IL1RAPL2: variants seen among roughly 807,000 people sequenced by gnomAD.
The protein encoded by IL1RAPL2 is interleukin 1 receptor accessory protein like 2.
IL1RAPL2 carries 3 observed loss-of-function variants against 44.1 expected under a neutral mutation model. The ratio of observed to expected loss-of-function variants is 0.07; its 90% CI spans 0.03 to 0.18. The LOEUF is 0.18. Ranked by LOEUF, IL1RAPL2 falls within the 10% of genes least tolerant of loss-of-function variation. IL1RAPL2 has a pLI of 1.00. For synonymous variants in IL1RAPL2, 181 were observed against 178.8 expected (o/e 1.01, Z -0.10); for missense variants, 391 against 496.4 (o/e 0.79, Z 2.02).
At chrX:105,178,991 T>A (rs2033502894) in intron 2 of IL1RAPL2, among the ~76,000 whole-genome samples, 2 of 112,116 alleles carry the variant, frequency 1.8e-5, no homozygotes, top group Admixed American at 9.5e-5. Flanking sequence ...AGGAGTTTTT[T>A]AATTTAATCA....
rs909263430 is a variant in IL1RAPL2 at position 105,332,316 on chromosome X, A to G, written c.697+64775A>G. 1.5e-4 allele frequency among the ~76,000 whole-genome samples: 16 copies of G among 109,919 alleles called. No individual in the cohort carries two copies. The Admixed American group carries it at 1.6e-3, about 11-fold the overall frequency. ...TCTGCTATAATTCATTTGGATTGCTATGGTGATTCTGTGAACATGCATTGC... is the reference window on the plus strand; with the variant it reads ...TCTGCTATAATTCATTTGGATTGCTGTGGTGATTCTGTGAACATGCATTGC... On this transcript the variant is annotated intron_variant, in intron 5 of 10. Coordinates refer to ENST00000372582, the MANE Select transcript of IL1RAPL2 (RefSeq NM_017416.2).
chrX:104,741,686 CA>C (rs1168880536), intron 2 of IL1RAPL2, among the ~76,000 whole-genome samples: 1 of 110,516 alleles, frequency 9.0e-6, no homozygotes, highest in Non-Finnish European at 1.9e-5. Context: ...GAAGCAAAAT[CA>C]AGAAGAAGTT....
intron 2 of IL1RAPL2, among the ~76,000 whole-genome samples, chrX:105,180,545 A>G (rs920981604): frequency 3.6e-5 from 4 of 111,209 alleles, no homozygotes; most frequent in Middle Eastern, 4.2e-3. Flanking sequence ...TTTTCATCAT[A>G]AAGAGATGTT....
chrX:105,247,591 G>A (rs148694350), intron 4 of IL1RAPL2, among the ~76,000 whole-genome samples: 18,383 of 100,486 alleles, frequency 0.18, 3,466 homozygotes, highest in African/African-American at 0.59. Context: ...AAGTGTGTGT[G>A]TATATATATA....
chrX:105,550,582 C>G (rs752219437), intron 6 of IL1RAPL2, among the ~76,000 whole-genome samples: 7 of 112,032 alleles, frequency 6.2e-5, no homozygotes, highest in Non-Finnish European at 5.6e-5. Flanking sequence ...GTTGCAAACT[C>G]ACAGAGTCTT....
chrX:104,583,872 T>C (rs1279431812), intron 1 of IL1RAPL2, among the ~76,000 whole-genome samples: 1 of 111,956 alleles, frequency 8.9e-6, no homozygotes, highest in Middle Eastern at 4.2e-3. Flanking sequence ...AGGCACTTAA[T>C]GTTTCCTGAC....
At chrX:104,999,624 T>G (rs1048519395) in intron 2 of IL1RAPL2, among the ~76,000 whole-genome samples, 5 of 111,772 alleles carry the variant, frequency 4.5e-5, no homozygotes, top group African/African-American at 1.6e-4. Context: ...ATTCACTTAG[T>G]CTGGCCTGCT....
chrX:105,146,239 A>G (rs1412758234), intron 2 of IL1RAPL2, among the ~76,000 whole-genome samples: 1 of 111,493 alleles, frequency 9.0e-6, no homozygotes, highest in Non-Finnish European at 1.9e-5. Flanking sequence ...AGGATTGTCC[A>G]GGGGGTTCTA....
At chrX:104,959,603 G>A (rs146555407) in intron 2 of IL1RAPL2, among the ~76,000 whole-genome samples, 1,476 of 111,310 alleles carry the variant, frequency 0.013, 6 homozygotes, top group Non-Finnish European at 0.021. Flanking sequence ...GACTTAGTAC[G>A]TAATTATTGA....
At position 104,851,223 on chromosome X, in the gene IL1RAPL2, A is replaced by G. The variant is rs1050184676; in HGVS notation, c.82+192228A>G. On this transcript the variant is annotated intron_variant, in intron 2 of 10. Coordinates refer to ENST00000372582, the MANE Select transcript of IL1RAPL2 (RefSeq NM_017416.2). ...AAAAAGAGCCAAATCATTTACAGACACATGTAACCAAACCAAAATGACACC... is the reference window on the plus strand; with the variant it reads ...AAAAAGAGCCAAATCATTTACAGACGCATGTAACCAAACCAAAATGACACC... 3.6e-5 allele frequency among the ~76,000 whole-genome samples: 4 copies of G among 112,000 alleles called. No individual in the cohort carries two copies. In the Admixed American group the frequency reaches 3.8e-4, roughly 11 times the overall value.
At chrX:104,707,434 A>G (rs1433830186) in intron 2 of IL1RAPL2, among the ~76,000 whole-genome samples, 1 of 111,841 alleles carries the variant, frequency 8.9e-6, no homozygotes, top group East Asian at 2.8e-4. Context: ...TTATCTAAAC[A>G]AGTGTATAGA....
intron 5 of IL1RAPL2, among the ~76,000 whole-genome samples, chrX:105,369,780 A>G (rs777083146): frequency 9.0e-6 from 1 of 111,311 alleles, no homozygotes; most frequent in Admixed American, 9.6e-5. Flanking sequence ...GAGATGCTCT[A>G]TCTGTGCCAA....
intron 5 of IL1RAPL2, among the ~76,000 whole-genome samples, chrX:105,414,211 G>A (rs376680680): frequency 1.8e-5 from 2 of 110,165 alleles, no homozygotes; most frequent in African/African-American, 6.6e-5. Context: ...CACTGCAACC[G>A]CCACCTCCCG....
chrX:105,219,519 G>A lies in IL1RAPL2; in HGVS notation c.357-14299G>A, dbSNP rs782368474. 7.4e-6 allele frequency: 9 copies of A among 1,209,069 alleles called. 1 individual carries two copies. The South Asian group carries it at 1.4e-4, about 19-fold the overall frequency. On this transcript the variant is annotated intron_variant, in intron 3 of 10. Coordinates refer to ENST00000372582, the MANE Select transcript of IL1RAPL2 (RefSeq NM_017416.2). ...AGGCAGCCCTGGCCTCCACGTGGGGGAACTGGGTCTCCATGGGGGCAGCCC... is the reference window on the plus strand; with the variant it reads ...AGGCAGCCCTGGCCTCCACGTGGGGAAACTGGGTCTCCATGGGGGCAGCCC...
intron 1 of IL1RAPL2, among the ~76,000 whole-genome samples, chrX:104,632,545 A>C (rs1031475218): frequency 2.8e-5 from 3 of 108,946 alleles, no homozygotes; most frequent in Admixed American, 9.9e-5. Context: ...TTCTCCTTGA[A>C]GAGGTCCTTC....
At chrX:105,247,540 A>G (rs1040573645) in intron 4 of IL1RAPL2, among the ~76,000 whole-genome samples, 2 of 109,169 alleles carry the variant, frequency 1.8e-5, no homozygotes, top group African/African-American at 6.7e-5. Context: ...CTTTTTTTAC[A>G]TTCATTAAAT....
chrX:105,679,797 T>TATC lies in IL1RAPL2; in HGVS notation c.773-37565_773-37563dup, dbSNP rs779886207. 4.9e-3 allele frequency among the ~76,000 whole-genome samples: 546 copies of TATC among 111,784 alleles called. 3 individuals are homozygous for TATC. The highest frequency in any genetic ancestry group is 8.7e-3 in the Non-Finnish European group (464 of 53,169). On this transcript the variant is annotated intron_variant, in intron 6 of 10. Coordinates refer to ENST00000372582, the MANE Select transcript of IL1RAPL2 (RefSeq NM_017416.2). Reference sequence around the variant, plus strand: ...ATTATCTTGATCAAAAAATAAGACATATCATCAGACTGGACCTAATTATTT... The same window carrying TATC: ...ATTATCTTGATCAAAAAATAAGACATATCATCATCAGACTGGACCTAATTATTT...
intron 2 of IL1RAPL2, among the ~76,000 whole-genome samples, chrX:104,909,615 C>A (rs1349046687): frequency 8.9e-6 from 1 of 111,783 alleles, no homozygotes; most frequent in Admixed American, 9.5e-5. Flanking sequence ...TGTGAGGTGT[C>A]AGTGTGCTCC....
At chrX:104,909,629 TG>T (rs1375799940) in intron 2 of IL1RAPL2, among the ~76,000 whole-genome samples, 4 of 111,742 alleles carry the variant, frequency 3.6e-5, no homozygotes, top group Admixed American at 1.9e-4. Context: ...GTGCTCCTGT[TG>T]GGGGGTGCCT....
Sources: allele counts gnomAD v4.1 joint callset (sites outside exome capture counted in the v4.1 genomes callset), GRCh38; gene constraint gnomAD v4.1.1; transcripts MANE v1.5; gene names NCBI Gene and HGNC (gene_info 2026-07-23, HGNC 2026-07-21).